The following ITGAM variants were observed in gnomAD, a reference collection of about 807,000 sequenced individuals.
The protein encoded by ITGAM is integrin subunit alpha M.
In ITGAM, 79 loss-of-function variants were observed where a neutral mutation model predicts 137.5. The ratio of observed to expected loss-of-function variants is 0.57; its 90% CI spans 0.48 to 0.69. The LOEUF (loss-of-function observed/expected upper bound fraction) is 0.69. Among genes scored for constraint, ITGAM ranks in the 30% least tolerant of loss-of-function variants. ITGAM has a pLI of 0.00. For synonymous variants in ITGAM, 583 were observed against 592.3 expected (o/e 0.98, Z 0.23); for missense variants, 1,343 against 1,483.5 (o/e 0.91, Z 1.56).
chr16:31,303,073 G>A (rs2144406511), intron 14 of ITGAM, among the ~76,000 whole-genome samples: 1 of 148,412 alleles, frequency 6.7e-6, no homozygotes, highest in South Asian at 2.1e-4. Context: ...TCCCTCTGTT[G>A]CCCAGGCTGG....
intron 14 of ITGAM, among the ~76,000 whole-genome samples, chr16:31,307,961 C>T (rs573377464): frequency 1.9e-4 from 29 of 152,170 alleles, no homozygotes; most frequent in Admixed American, 7.9e-4. Flanking sequence ...TATTGATTTT[C>T]GTATGTTGAA....
At chr16:31,315,368 A>T (rs548733401) in intron 14 of ITGAM, among the ~76,000 whole-genome samples, 3 of 152,312 alleles carry the variant, frequency 2.0e-5, no homozygotes, top group South Asian at 4.1e-4. Flanking sequence ...GACCAATGTC[A>T]TGAAGCTTTC....
Position 31,271,959 on chromosome 16 carries a change from G to A in ITGAM, c.671G>A (p.Arg224Gln), listed in dbSNP as rs766435644. 3.2e-5 allele frequency: 51 copies of A among 1,613,848 alleles called. No individual in the cohort carries two copies. The Middle Eastern group carries it at 6.6e-4, about 21-fold the overall frequency. ...LVKPITQLLG[R>Q]THTATGIRKV... is the part of the protein sequence containing the mutation. ...AAGCCAATAACGCAGCTGCTTGGGC[G>A]GACACACACGGCCACGGGCATCCGC... The change falls in exon 7 of 30, where the codon CGG becomes CAG. Residue 224 changes from arginine (R) to glutamine (Q), a missense_variant. By Grantham distance (43) the Arg-to-Gln change is conservative. Transcript: ENST00000544665.
chr16:31,270,744 TG>T (rs377304585), intron 5 of ITGAM, among the ~76,000 whole-genome samples: 2,776 of 105,008 alleles, frequency 0.026, 61 homozygotes, highest in African/African-American at 0.056. Context: ...TATATATATA[TG>T]TTTTTAACGT....
intron 12 of ITGAM, among the ~76,000 whole-genome samples, chr16:31,278,623 T>C (rs534407565): frequency 6.6e-6 from 1 of 152,314 alleles, no homozygotes; most frequent in East Asian, 1.9e-4. Context: ...AAAAGCAGCA[T>C]GGTCACATAT....
intron 26 of ITGAM, 67 bp from the exon 27 acceptor site, chr16:31,330,241 C>G: frequency 1.3e-6 from 2 of 1,588,452 alleles, no homozygotes; most frequent in South Asian, 2.2e-5. Context: ...GGTCTCTGAG[C>G]AAACGGGGAG....
Position 31,324,659 on chromosome 16 carries a change from C to G in ITGAM, c.2166C>G (p.Ile722Met). The change falls in exon 18 of 30, where the codon ATC becomes ATG. Residue 722 changes from isoleucine to methionine, a missense_variant. Physicochemically the swap from Ile to Met is conservative, Grantham distance 10. Coordinates refer to ENST00000544665, the MANE Select transcript of ITGAM (RefSeq NM_000632.4). This position sits in a 1 kb window ranked among gnomAD's most constrained non-coding sequence, Gnocchi z 4.5. ...TCCCGGCTATCTCTTAGAATTGCAT[C>G]GAGGACCCAGTGAGCCCCATTGTGC... ...ETLKLQLPNC[I>M]EDPVSPIVLR... 1.2e-6 allele frequency: 2 copies of G among 1,602,082 alleles called. No individual in the cohort carries two copies. The highest frequency in any genetic ancestry group is 1.7e-6 in the Non-Finnish European group (2 of 1,173,768).
Position 31,325,368 on chromosome 16 carries a change from G to A in ITGAM, c.2469G>A (p.Pro823=), listed in dbSNP as rs770219096. 2.0e-5 allele frequency: 32 copies of A among 1,613,628 alleles called. No homozygotes were observed. The highest frequency in any genetic ancestry group is 1.6e-4 in the South Asian group (15 of 91,072). ...GGACACAGGTCACCTTCTTCTTCCCGCTTGACCTGTCCTACCGGAAGGTGT... is the reference window on the plus strand; with the variant it reads ...GGACACAGGTCACCTTCTTCTTCCCACTTGACCTGTCCTACCGGAAGGTGT... The part of the protein sequence containing the change: ...SYRTQVTFFF[P]LDLSYRKVST... The change falls in exon 20 of 30, where the codon CCG becomes CCA. Residue 823 remains proline (P), a synonymous_variant. Coordinates refer to ENST00000544665, the MANE Select transcript of ITGAM (RefSeq NM_000632.4).
chr16:31,262,280 TCCCTCTCTCATTCCCTGCTTCCC>T (rs1242227812), intron 2 of ITGAM, among the ~76,000 whole-genome samples: 1 of 149,310 alleles, frequency 6.7e-6, no homozygotes, highest in Non-Finnish European at 1.5e-5. Flanking sequence ...CCTTCCTTCC[TCCCTCTCTCATTCCCTGCTTCCC>T]TCTTTCCCTC....
At chr16:31,271,184 T>G (rs538621147) in intron 6 of ITGAM, 100 bp downstream of exon 6, 1 of 1,035,808 alleles carries the variant, frequency 9.7e-7, no homozygotes, top group South Asian at 2.8e-5. Context: ...CTGCAGACAT[T>G]GCCAAATTGA....
intron 14 of ITGAM, among the ~76,000 whole-genome samples, chr16:31,302,757 G>A (rs987714268): frequency 4.6e-5 from 7 of 151,022 alleles, no homozygotes; most frequent in Admixed American, 3.9e-4. Flanking sequence ...GGCTGGTCTC[G>A]AACACCTGAC....
At position 31,329,267 on chromosome 16, in the gene ITGAM, A is replaced by G; in HGVS notation, c.2832A>G (p.Ser944=). ...CTAAATATCTCAACTTCACGGCCTCAGAGAATACCAGTCGGGTCATGCAGC... is the reference window on the plus strand; with the variant it reads ...CTAAATATCTCAACTTCACGGCCTCGGAGAATACCAGTCGGGTCATGCAGC... The part of the protein sequence containing the change: ...VSTKYLNFTA[S]ENTSRVMQHQ... The change falls in exon 24 of 30, where the codon TCA becomes TCG. Residue 944 remains serine, a synonymous_variant. Coordinates refer to ENST00000544665, the MANE Select transcript of ITGAM (RefSeq NM_000632.4). The G allele has an allele frequency of 6.2e-7, 1 of 1,613,218 alleles. No individual in the cohort carries two copies. The highest frequency in any genetic ancestry group is 8.5e-7 in the Non-Finnish European group (1 of 1,179,390).
chr16:31,308,042 C>T (rs995268204), intron 14 of ITGAM, among the ~76,000 whole-genome samples: 106 of 152,036 alleles, frequency 7.0e-4, no homozygotes, highest in African/African-American at 2.4e-3. Flanking sequence ...TTGCTGGATT[C>T]GGTTTGCCAG....
At position 31,331,985 on chromosome 16, in the gene ITGAM, A is replaced by C; in HGVS notation, c.*278A>C. ...TGTCCAAGTGTGTGTGCGTGTGTCCATGTGTGTGCAAGTGTGTGCATGTGT... is the reference window on the plus strand; with the variant it reads ...TGTCCAAGTGTGTGTGCGTGTGTCCCTGTGTGTGCAAGTGTGTGCATGTGT... On this transcript the variant is annotated 3_prime_UTR_variant, in exon 30 of 30. Transcript: ENST00000544665. 1 of 483,764 alleles carries C rather than the reference A, an allele frequency of 2.1e-6. No individual in the cohort carries two copies. Among genetic ancestry groups the C allele is most frequent in the Non-Finnish European group, 3.7e-6 (1 of 270,662 alleles). 30.0% of individuals were successfully genotyped at this position (483,764 alleles called of 1,614,324 possible).
At chr16:31,328,508 G>C (rs567284605) in intron 23 of ITGAM, among the ~76,000 whole-genome samples, 1 of 151,808 alleles carries the variant, frequency 6.6e-6, no homozygotes, top group Non-Finnish European at 1.5e-5. Flanking sequence ...GGATGTGAGT[G>C]TGATCTATGT....
At chr16:31,326,814 C>G (rs1232473358) in intron 21 of ITGAM, 42 bp from the exon 22 acceptor site, 37 of 1,356,418 alleles carry the variant, frequency 2.7e-5, no homozygotes, top group Non-Finnish European at 3.6e-5. Context: ...GTTATTTTTT[C>G]TCTCATATTT....
rs748550714 is a variant in ITGAM, at chr16:31,305,054, G to T, written c.1707+7100G>T. Among the ~76,000 whole-genome samples the T allele has an allele frequency of 2.0e-5, 3 of 152,076 alleles. No individual in the cohort carries two copies. In the South Asian group the frequency reaches 6.2e-4, roughly 31 times the overall value. On this transcript the variant is annotated intron_variant, in intron 14 of 29. Coordinates refer to ENST00000544665, the MANE Select transcript of ITGAM (RefSeq NM_000632.4). ...TTAAATCTGTAGATTGGGCAGTATG[G>T]TCATTTTCACAATATTGATTCTTCC...
chr16:31,327,436 AT>A (rs1461045204), intron 22 of ITGAM, among the ~76,000 whole-genome samples: 3 of 150,384 alleles, frequency 2.0e-5, no homozygotes, highest in African/African-American at 7.4e-5. Flanking sequence ...AAAAAAAAAA[AT>A]ACAAAAATTA....
At chr16:31,283,277 T>C (rs1330123154) in intron 12 of ITGAM, among the ~76,000 whole-genome samples, 1 of 152,242 alleles carries the variant, frequency 6.6e-6, no homozygotes, top group Non-Finnish European at 1.5e-5. Context: ...CCTTGCTAGA[T>C]TGGGGAAGTT....
Sources: gnomAD v4.1 joint callset for allele counts (sites outside exome capture counted in the v4.1 genomes callset) on GRCh38, gnomAD v4.1.1 for gene constraint, Gnocchi (gnomAD v3.1) non-coding constraint, MANE v1.5 for transcripts, NCBI Gene and HGNC (gene_info 2026-07-23, HGNC 2026-07-21) for gene names.